The following ECD variants were observed in gnomAD, a reference collection of about 807,000 sequenced individuals.
The protein encoded by ECD is protein ecdysoneless homolog.
ECD carries 59 observed loss-of-function variants against 77.2 expected under a neutral mutation model. That is an observed-to-expected ratio of 0.76 (90% confidence interval 0.62 to 0.95). The LOEUF is 0.95. Among genes scored for constraint, ECD ranks in the 40% least tolerant of loss-of-function variants. The probability of loss-of-function intolerance (pLI) is 0.00; values close to 1 mark genes in which losing one functional copy is unlikely to be tolerated. For synonymous variants in ECD, 233 were observed against 267.4 expected (o/e 0.87, Z 1.26); for missense variants, 704 against 763.4 (o/e 0.92, Z 0.92).
intron 13 of ECD, 25 bp from the exon 14 acceptor site, chr10:73,134,838 T>C: frequency 6.3e-7 from 1 of 1,595,192 alleles, no homozygotes; most frequent in East Asian, 2.2e-5. Context: ...GAAAAGAAAA[T>C]TATGGGCTAA....
At chr10:73,144,701 G>A (rs1843101419) in intron 9 of ECD, among the ~76,000 whole-genome samples, 1 of 151,958 alleles carries the variant, frequency 6.6e-6, no homozygotes, top group African/African-American at 2.4e-5. Context: ...CTATGGACTT[G>A]CCCAAAATTC....
intron 1 of ECD, among the ~76,000 whole-genome samples, chr10:73,166,211 T>A: frequency 6.6e-6 from 1 of 152,200 alleles, no homozygotes; most frequent in Admixed American, 6.5e-5. Flanking sequence ...GTGCCACATT[T>A]TCTTCATTAT....
chr10:73,152,450 T>A (rs906775011), intron 6 of ECD, 29 bp from the exon 7 acceptor site: 1 of 1,598,474 alleles, frequency 6.3e-7, no homozygotes, highest in Non-Finnish European at 8.6e-7. Flanking sequence ...AATACATGAG[T>A]CTTTTCCTGA....
rs765072176 is a variant in ECD, at chr10:73,139,289, T to C, written c.1421+20A>G. 6.3e-7 allele frequency: 1 copy of C among 1,584,692 alleles called. No individual in the cohort carries two copies. ...TTTGGGTTCTAGCTATTTATATATTTATACTTTAACACAAATTACCGAGGC... is the reference window on the plus strand; with the variant it reads ...TTTGGGTTCTAGCTATTTATATATTCATACTTTAACACAAATTACCGAGGC... On this transcript the variant is annotated intron_variant, in intron 11 of 13. Transcript: ENST00000372979.
chr10:73,161,112 C>T (rs1201076203), intron 2 of ECD, among the ~76,000 whole-genome samples: 2 of 150,708 alleles, frequency 1.3e-5, no homozygotes, highest in African/African-American at 2.4e-5. Flanking sequence ...GAAAGCAGTG[C>T]TAAAAAGGAA....
intron 9 of ECD, among the ~76,000 whole-genome samples, chr10:73,143,568 T>C (rs1335281710): frequency 6.6e-6 from 1 of 152,158 alleles, no homozygotes; most frequent in African/African-American, 2.4e-5. Context: ...GGGTACATAG[T>C]AGGTGTATAT....
chr10:73,147,736 T>C (rs553275107), intron 8 of ECD, among the ~76,000 whole-genome samples: 18 of 152,282 alleles, frequency 1.2e-4, no homozygotes, highest in Admixed American at 1.1e-3. Context: ...CACTACCAAA[T>C]TACTTTCCAG....
rs368270911 is a variant in ECD at position 73,160,554 on chromosome 10, A to G, written c.206-3T>C. ...AAACATATGAGCAGGAACACCTCCT[A>G]AAAACAAGAGAAAAGCAACCATGTA... On this transcript the variant is annotated splice_region_variant and splice_polypyrimidine_tract_variant and intron_variant, in intron 2 of 13. Coordinates refer to ENST00000372979, the MANE Select transcript of ECD (RefSeq NM_007265.3). 3.8e-6 allele frequency: 6 copies of G among 1,589,270 alleles called. No individual in the cohort carries two copies. In the African/African-American group the frequency reaches 8.2e-5, roughly 22 times the overall value.
Position 73,143,438 on chromosome 10 carries a change from T to C in ECD, c.1127+2838A>G, listed in dbSNP as rs1057161406. Among the ~76,000 whole-genome samples the C allele has an allele frequency of 4.6e-5, 7 of 152,246 alleles. No homozygotes were observed. The South Asian group carries it at 1.4e-3, about 32-fold the overall frequency. On this transcript the variant is annotated intron_variant, in intron 9 of 13. Coordinates refer to ENST00000372979, the MANE Select transcript of ECD (RefSeq NM_007265.3). ...GCCTTGGCCTCCCAAAATGCTGGCA[T>C]TACAGGTGTGAGCCACTGCGCCCAG...
intron 9 of ECD, among the ~76,000 whole-genome samples, chr10:73,144,733 C>A (rs74490457): frequency 0.16 from 23,925 of 151,994 alleles, 3,141 homozygotes; most frequent in African/African-American, 0.34. Flanking sequence ...AGATCCAAGA[C>A]CCCTCTCTTG....
At chr10:73,148,211 T>C in intron 8 of ECD, 65 bp downstream of exon 8, 1 of 1,587,570 alleles carries the variant, frequency 6.3e-7, no homozygotes, top group Non-Finnish European at 8.6e-7. Flanking sequence ...ACTATAGGAC[T>C]TTAAGTCGCT....
intron 6 of ECD, among the ~76,000 whole-genome samples, chr10:73,153,725 CAAAAAAAAAA>C (rs201711578): frequency 2.4e-5 from 1 of 41,336 alleles, no homozygotes; most frequent in Admixed American, 3.1e-4. Context: ...GACTCTGTCT[CAAAAAAAAAA>C]AAAAAAAAAA....
In ECD at chr10:73,139,330, T is replaced by C; in HGVS notation, c.1400A>G (p.His467Arg). Residue 467 changes from histidine to arginine, a missense_variant, in exon 11 of 14, where the codon CAC becomes CGC. Around this residue, in one of 3 missense-constraint regions of ECD, gnomAD observed 559 missense variants for 583.7 expected, o/e 0.96. Transcript: ENST00000372979. ...TTACCGAGGCAGCTCTGCTCCCTTG[T>C]GGGTTGAGACTTTGGATATGAAAGC... ...MKAFISKVST[H>R]KGAELPREPS... 1 of 1,613,502 alleles carries C rather than the reference T, an allele frequency of 6.2e-7. No homozygotes were observed. The highest frequency in any genetic ancestry group is 8.5e-7 in the Non-Finnish European group (1 of 1,179,834).
intron 9 of ECD, chr10:73,141,542 A>T (rs1843058931): frequency 6.6e-6 from 1 of 152,646 alleles, no homozygotes; most frequent in African/African-American, 2.4e-5. Flanking sequence ...AAAAAGAAAA[A>T]AAATCCTCAT....
At chr10:73,147,383 A>T (rs1395596754) in intron 8 of ECD, among the ~76,000 whole-genome samples, 19 of 152,194 alleles carry the variant, frequency 1.2e-4, no homozygotes, top group Admixed American at 1.2e-3. Context: ...CCCCATTTCT[A>T]CTAAAAATAC....
intron 8 of ECD, among the ~76,000 whole-genome samples, chr10:73,147,663 C>T (rs1465428802): frequency 6.6e-6 from 1 of 152,014 alleles, no homozygotes; most frequent in East Asian, 1.9e-4. Flanking sequence ...TTGGATATTT[C>T]CTTTAAAAAG....
At chr10:73,142,785 T>C (rs1177276727) in intron 9 of ECD, among the ~76,000 whole-genome samples, 1 of 152,158 alleles carries the variant, frequency 6.6e-6, no homozygotes. Context: ...TGTATATATA[T>C]TTCTGTTTCT....
intron 12 of ECD, among the ~76,000 whole-genome samples, chr10:73,137,410 C>T (rs1842988523): frequency 6.6e-6 from 1 of 151,812 alleles, no homozygotes. Flanking sequence ...TACAGTAATT[C>T]CAAAAAAGAA....
chr10:73,152,164 G>T, intron 7 of ECD, 129 bp downstream of exon 7: 3 of 1,157,382 alleles, frequency 2.6e-6, no homozygotes, highest in Admixed American at 2.6e-5. Context: ...ATTCTAATTT[G>T]AAATGCCACA....
Sources: allele counts gnomAD v4.1 joint callset (sites outside exome capture counted in the v4.1 genomes callset), GRCh38; gene constraint gnomAD v4.1.1; regional missense constraint gnomAD v4.1.1; transcripts MANE v1.5; gene names NCBI Gene and HGNC (gene_info 2026-07-23, HGNC 2026-07-21).